The following YAP1 variants were observed in gnomAD, a reference collection of about 807,000 sequenced individuals.
YAP1 encodes transcriptional coactivator YAP1.
YAP1 carries 5 observed loss-of-function variants against 56.9 expected under a neutral mutation model. That is an observed-to-expected ratio of 0.09 (90% confidence interval 0.05 to 0.18). The LOEUF is 0.18. Ranked by LOEUF, YAP1 falls within the 10% of genes least tolerant of loss-of-function variation. YAP1 has a pLI of 1.00. For missense variants in YAP1, 539 were observed against 651.8 expected (o/e 0.83, Z 1.88); for synonymous variants, 265 against 248.1 (o/e 1.07, Z -0.64).
Position 102,206,090 on chromosome 11 carries a change from A to G in YAP1, c.984+16A>G, listed in dbSNP as rs1214802127. On this transcript the variant is annotated intron_variant, in intron 5 of 8. Coordinates refer to ENST00000282441, the MANE Select transcript of YAP1 (RefSeq NM_001130145.3). ...GCTTCGGCAGGTGAGGCCACAGGTT[A>G]GAAACCAGCCTTCCACTTTTGGGGG... is the stretch of plus-strand genomic sequence containing the variant. 12 of 1,599,770 alleles carry G rather than the reference A, an allele frequency of 7.5e-6. No homozygotes were observed. In the South Asian group the frequency reaches 1.3e-4, roughly 18 times the overall value.
chr11:102,184,383 T>TA (rs1205702166), intron 3 of YAP1, among the ~76,000 whole-genome samples: 2 of 152,200 alleles, frequency 1.3e-5, no homozygotes, highest in Non-Finnish European at 2.9e-5. Flanking sequence ...ATACATGTGA[T>TA]AAACAGGTTT....
At position 102,111,058 on chromosome 11, in the gene YAP1, C is replaced by G; in HGVS notation, c.210C>G (p.Asn70Lys). 1 of 1,613,200 alleles carries G rather than the reference C, an allele frequency of 6.2e-7. No individual in the cohort carries two copies. The highest frequency in any genetic ancestry group is 8.5e-7 in the Non-Finnish European group (1 of 1,179,764). Residue 70 changes from asparagine to lysine, a missense_variant, in exon 1 of 9, where the codon AAC (asparagine) becomes AAG (lysine). Asn to Lys is a moderately conservative substitution (Grantham distance 94). Around this residue, in one of 4 missense-constraint regions of YAP1, gnomAD observed 414 missense variants for 512.4 expected, o/e 0.81. Transcript: ENST00000282441. ...DSETDLEALF[N>K]AVMNPKTANV... is the part of the protein sequence containing the mutation. ...AGACCGACCTGGAGGCGCTCTTCAACGCCGTCATGAACCCCAAGACGGCCA... is the reference window on the plus strand; with the variant it reads ...AGACCGACCTGGAGGCGCTCTTCAAGGCCGTCATGAACCCCAAGACGGCCA...
intron 2 of YAP1, among the ~76,000 whole-genome samples, chr11:102,133,019 G>A (rs973217707): frequency 7.9e-5 from 12 of 151,912 alleles, no homozygotes; most frequent in African/African-American, 2.9e-4. Flanking sequence ...TTATCTGGGA[G>A]TGGTGGTGCT....
At chr11:102,197,391 A>G (rs911988276) in intron 4 of YAP1, among the ~76,000 whole-genome samples, 1 of 152,184 alleles carries the variant, frequency 6.6e-6, no homozygotes. Context: ...TTTATGACTA[A>G]CAGATCTGTA....
chr11:102,216,122 A>G (rs1949651348), intron 6 of YAP1, among the ~76,000 whole-genome samples: 4 of 152,240 alleles, frequency 2.6e-5, no homozygotes, highest in Admixed American at 1.3e-4. Flanking sequence ...GAGAATGACC[A>G]TGAAGTTAGA....
At position 102,114,131 on chromosome 11, in the gene YAP1, T is replaced by C. The variant is rs771192459; in HGVS notation, c.322-13T>C. On this transcript the variant is annotated splice_polypyrimidine_tract_variant and intron_variant, in intron 1 of 8. Transcript: ENST00000282441. Reference sequence around the variant, plus strand: ...TTTCTTTTTTAATTTTTCATCTTAATATTCCCTAATAGGCCAGTACTGATG... The same window carrying C: ...TTTCTTTTTTAATTTTTCATCTTAACATTCCCTAATAGGCCAGTACTGATG... 7.7e-6 allele frequency: 12 copies of C among 1,562,654 alleles called. No homozygotes were observed. The highest frequency in any genetic ancestry group is 5.5e-5 in the Admixed American group (3 of 54,610).
intron 2 of YAP1, among the ~76,000 whole-genome samples, chr11:102,156,064 G>T (rs1006601833): frequency 8.6e-5 from 13 of 151,982 alleles, no homozygotes; most frequent in African/African-American, 3.1e-4. Context: ...TCTGTGCCTA[G>T]ACTGACAATT....
chr11:102,137,581 T>C (rs1230070164), intron 2 of YAP1, among the ~76,000 whole-genome samples: 1 of 152,192 alleles, frequency 6.6e-6, no homozygotes, highest in Non-Finnish European at 1.5e-5. Context: ...ATGAAAAATA[T>C]AGAATGCTTA....
chr11:102,194,159 G>A lies in YAP1; in HGVS notation c.802+8028G>A, dbSNP rs967416916. On this transcript the variant is annotated intron_variant, in intron 4 of 8. Coordinates refer to ENST00000282441, the MANE Select transcript of YAP1 (RefSeq NM_001130145.3). Reference sequence around the variant, plus strand: ...TTCAAGTTATATTTGTATTAACTCTGTATTAACAGCAAACATCTTATATGC... The same window carrying A: ...TTCAAGTTATATTTGTATTAACTCTATATTAACAGCAAACATCTTATATGC... 4.6e-5 allele frequency among the ~76,000 whole-genome samples: 7 copies of A among 152,146 alleles called. No individual in the cohort carries two copies. The East Asian group carries it at 5.8e-4, about 13-fold the overall frequency.
chr11:102,160,400 A>T (rs187120326), intron 2 of YAP1, among the ~76,000 whole-genome samples: 171 of 152,318 alleles, frequency 1.1e-3, no homozygotes, highest in African/African-American at 3.9e-3. Flanking sequence ...TAACCAGTTT[A>T]TCTCTTTACC....
intron 2 of YAP1, among the ~76,000 whole-genome samples, chr11:102,115,987 T>C (rs1943260885): frequency 6.6e-6 from 1 of 152,256 alleles, no homozygotes; most frequent in African/African-American, 2.4e-5. Flanking sequence ...GCAACATTTA[T>C]GCTCTTCTTC....
intron 3 of YAP1, 111 bp downstream of exon 3, chr11:102,162,682 T>G: frequency 9.8e-7 from 1 of 1,017,046 alleles, no homozygotes; most frequent in Non-Finnish European, 1.5e-6. Flanking sequence ...TGGTGATGTT[T>G]ATTGTCTCTC....
intron 3 of YAP1, 68 bp from the exon 4 acceptor site, chr11:102,185,950 C>G (rs1283430123): frequency 7.0e-7 from 1 of 1,421,614 alleles, no homozygotes; most frequent in Non-Finnish European, 9.4e-7. Context: ...AAATTAGTAC[C>G]CCCTCCCACT....
intron 2 of YAP1, among the ~76,000 whole-genome samples, chr11:102,159,739 G>C (rs1045604430): frequency 9.2e-5 from 14 of 152,312 alleles, no homozygotes; most frequent in Middle Eastern, 6.8e-3. Flanking sequence ...AGGTAGAGCA[G>C]ATTGATAAAA....
chr11:102,168,892 A>G (rs1218621711), intron 3 of YAP1, among the ~76,000 whole-genome samples: 8 of 152,368 alleles, frequency 5.3e-5, no homozygotes, highest in East Asian at 3.9e-4. Context: ...TTTTAACTTT[A>G]AAAAGCACAG....
At chr11:102,182,653 T>A (rs976592805) in intron 3 of YAP1, among the ~76,000 whole-genome samples, 1 of 152,252 alleles carries the variant, frequency 6.6e-6, no homozygotes, top group Non-Finnish European at 1.5e-5. Context: ...GGAAGAATTG[T>A]TTCTTTTCAG....
At chr11:102,164,008 CTT>C (rs1946445197) in intron 3 of YAP1, among the ~76,000 whole-genome samples, 1 of 151,056 alleles carries the variant, frequency 6.6e-6, no homozygotes, top group Non-Finnish European at 1.5e-5. Context: ...CTCAGAATCT[CTT>C]TTATATGTGA....
At position 102,183,702 on chromosome 11, in the gene YAP1, C is replaced by CTGTGTGTGTGTGTGTGTGTG. The variant is rs140546191; in HGVS notation, c.689-2298_689-2279dup. 3.9e-3 allele frequency among the ~76,000 whole-genome samples: 549 copies of CTGTGTGTGTGTGTGTGTGTG among 141,764 alleles called. 2 individuals are homozygous for CTGTGTGTGTGTGTGTGTGTG. The highest frequency in any genetic ancestry group is 4.4e-3 in the Non-Finnish European group (288 of 65,372). 93.0% of individuals were successfully genotyped at this position (141,764 alleles called of 152,430 possible). Reference sequence around the variant, plus strand: ...GCTAAGGTGGGGAATAATGCTGTTTCTGTGTGTGTGTGTGTGTGTGTGTGT... The same window carrying CTGTGTGTGTGTGTGTGTGTG: ...GCTAAGGTGGGGAATAATGCTGTTTCTGTGTGTGTGTGTGTGTGTGTGTGTGTGTGTGTGTGTGTGTGTGT... On this transcript the variant is annotated intron_variant, in intron 3 of 8. Coordinates refer to ENST00000282441, the MANE Select transcript of YAP1 (RefSeq NM_001130145.3).
chr11:102,131,585 A>G (rs905683148), intron 2 of YAP1, among the ~76,000 whole-genome samples: 11 of 152,166 alleles, frequency 7.2e-5, no homozygotes, highest in Non-Finnish European at 1.5e-4. Flanking sequence ...GTGCTCATTT[A>G]TTTCAGAGTC....
Sources: allele counts gnomAD v4.1 joint callset (sites outside exome capture counted in the v4.1 genomes callset), GRCh38; gene constraint gnomAD v4.1.1; regional missense constraint gnomAD v4.1.1; transcripts MANE v1.5; gene names NCBI Gene and HGNC (gene_info 2026-07-23, HGNC 2026-07-21).